ADAMTSL1: variants seen among roughly 807,000 people sequenced by gnomAD.
ADAMTSL1 encodes ADAMTS like 1, also known as ADAMTS-like protein 1.
Under a neutral mutation model 201.8 loss-of-function variants are expected in ADAMTSL1, and 126 were observed. That is an observed-to-expected ratio of 0.62 (90% CI 0.54 to 0.72). The LOEUF is 0.72. ADAMTSL1 is among the 30% of genes least tolerant of loss of function. ADAMTSL1 has a pLI of 0.00. For synonymous variants in ADAMTSL1, 1,121 were observed against 903.4 expected (o/e 1.24, Z -4.32); for missense variants, 2,679 against 2,277.8 (o/e 1.18, Z -3.59).
At chr9:18,650,109 C>G (rs1414232459) in intron 7 of ADAMTSL1, among the ~76,000 whole-genome samples, 1 of 152,222 alleles carries the variant, frequency 6.6e-6, no homozygotes, top group African/African-American at 2.4e-5. Flanking sequence ...GTGCCCATCC[C>G]CAAGCCTCGC....
chr9:18,556,333 C>T (rs1350685539), intron 3 of ADAMTSL1, among the ~76,000 whole-genome samples: 21 of 151,960 alleles, frequency 1.4e-4, no homozygotes, highest in Admixed American at 1.3e-3. Context: ...TAGCTGAGTA[C>T]TTGATAAGTG....
At chr9:18,446,930 G>T (rs1335653829) in intron 2 of ADAMTSL1, among the ~76,000 whole-genome samples, 1 of 152,038 alleles carries the variant, frequency 6.6e-6, no homozygotes, top group African/African-American at 2.4e-5. Flanking sequence ...AGACAGTTTT[G>T]AGGGATAAAA....
At chr9:18,820,041 T>C (rs1315099084) in intron 21 of ADAMTSL1, among the ~76,000 whole-genome samples, 2 of 152,198 alleles carry the variant, frequency 1.3e-5, no homozygotes, top group African/African-American at 4.8e-5. Flanking sequence ...TCCTGATTGG[T>C]TAGGTGGGAT....
At chr9:18,650,184 A>T (rs895593077) in intron 7 of ADAMTSL1, among the ~76,000 whole-genome samples, 3 of 152,030 alleles carry the variant, frequency 2.0e-5, no homozygotes, top group African/African-American at 2.4e-5. Flanking sequence ...TGGGCGTGGG[A>T]CCCTCTGAGC....
At position 18,227,678 on chromosome 9, in the gene ADAMTSL1, T is replaced by C. The variant is rs769526389; in HGVS notation, c.207+63697T>C. ...TCTGCCTAAAATGCTCATTAGGTCC[T>C]TTCTGTCTATTGAAGACTTAGATTA... On this transcript the variant is annotated intron_variant, in intron 2 of 29. Transcript: ENST00000680146. Among the ~76,000 whole-genome samples, 43 of 152,308 alleles carry C rather than the reference T, an allele frequency of 2.8e-4. 1 individual carries two copies. The highest frequency in any genetic ancestry group is 7.3e-5 in the Non-Finnish European group (5 of 68,032).
chr9:18,092,008 T>C (rs1254840554), intron 1 of ADAMTSL1, among the ~76,000 whole-genome samples: 1 of 152,164 alleles, frequency 6.6e-6, no homozygotes, highest in African/African-American at 2.4e-5. Context: ...CAGTTTCTAA[T>C]TGTAATTTGA....
Position 18,043,126 on chromosome 9 carries a change from C to A in ADAMTSL1, c.88-120736C>A, listed in dbSNP as rs142553161. Among the ~76,000 whole-genome samples, 312 of 152,240 alleles carry A rather than the reference C, an allele frequency of 2.0e-3. 1 individual carries two copies. The highest frequency in any genetic ancestry group is 7.0e-3 in the African/African-American group (290 of 41,552). Reference sequence around the variant, plus strand: ...AGTCTTTTTCAAACTTGCCACATGTCACAATTACCTGGGATATTTACAATG... The same window carrying A: ...AGTCTTTTTCAAACTTGCCACATGTAACAATTACCTGGGATATTTACAATG... On this transcript the variant is annotated intron_variant, in intron 1 of 29. Transcript: ENST00000680146.
chr9:18,789,039 C>G (rs1821873751), intron 19 of ADAMTSL1, among the ~76,000 whole-genome samples: 1 of 152,160 alleles, frequency 6.6e-6, no homozygotes, highest in South Asian at 2.1e-4. Flanking sequence ...TTTTCTCCTC[C>G]CTGGTCCCAT....
chr9:18,053,760 C>T (rs756029919), intron 1 of ADAMTSL1, among the ~76,000 whole-genome samples: 1 of 152,172 alleles, frequency 6.6e-6, no homozygotes, highest in East Asian at 1.9e-4. Context: ...GTTTACTGAG[C>T]ACTCTTGATG....
intron 23 of ADAMTSL1, among the ~76,000 whole-genome samples, chr9:18,837,727 T>C (rs1278792509): frequency 5.9e-5 from 9 of 152,218 alleles, no homozygotes; most frequent in African/African-American, 2.2e-4. Flanking sequence ...AAGTGTTCTG[T>C]GGCTGCTTTC....
At chr9:18,895,505 C>G (rs986360522) in intron 26 of ADAMTSL1, among the ~76,000 whole-genome samples, 2 of 146,308 alleles carry the variant, frequency 1.4e-5, no homozygotes, top group African/African-American at 5.2e-5. Context: ...AGAAGGAACA[C>G]AGACCTGCAG....
chr9:18,216,628 G>T (rs1442798502), intron 2 of ADAMTSL1, among the ~76,000 whole-genome samples: 24 of 148,940 alleles, frequency 1.6e-4, no homozygotes, highest in Admixed American at 1.6e-3. Context: ...ACGCAGCAGT[G>T]ACATACAACT....
intron 1 of ADAMTSL1, among the ~76,000 whole-genome samples, chr9:18,052,075 C>G (rs1240320860): frequency 1.3e-5 from 2 of 152,192 alleles, no homozygotes; most frequent in Non-Finnish European, 2.9e-5. Flanking sequence ...ATTTTTAGAA[C>G]AGGCAGAGTG....
chr9:18,734,615 A>G (rs1489726884), intron 15 of ADAMTSL1, among the ~76,000 whole-genome samples: 1 of 152,200 alleles, frequency 6.6e-6, no homozygotes, highest in Non-Finnish European at 1.5e-5. Context: ...CAGAGCCATA[A>G]CAGTCATGTT....
intron 1 of ADAMTSL1, among the ~76,000 whole-genome samples, chr9:18,131,037 T>A (rs1052371765): frequency 2.0e-5 from 3 of 152,132 alleles, no homozygotes; most frequent in Non-Finnish European, 4.4e-5. Flanking sequence ...GTATAACTAA[T>A]CCTAAAAGTA....
intron 23 of ADAMTSL1, among the ~76,000 whole-genome samples, chr9:18,858,790 T>C (rs1033684223): frequency 6.6e-6 from 1 of 152,232 alleles, no homozygotes; most frequent in Non-Finnish European, 1.5e-5. Context: ...CTGTCATTGG[T>C]ACCCCTTCCA....
At chr9:18,280,020 G>A (rs549220207) in intron 2 of ADAMTSL1, among the ~76,000 whole-genome samples, 58 of 152,276 alleles carry the variant, frequency 3.8e-4, no homozygotes, top group African/African-American at 1.4e-3. Context: ...TGTCACTGGG[G>A]TCCACTAGAT....
intron 2 of ADAMTSL1, among the ~76,000 whole-genome samples, chr9:18,387,147 GATATA>G (rs1039337902): frequency 6.6e-6 from 1 of 151,638 alleles, no homozygotes; most frequent in South Asian, 2.1e-4. Context: ...TTATATTTAG[GATATA>G]ATATATAGAA....
intron 2 of ADAMTSL1, among the ~76,000 whole-genome samples, chr9:18,261,226 C>A (rs1587418808): frequency 6.6e-6 from 1 of 152,058 alleles, no homozygotes; most frequent in African/African-American, 2.4e-5. Context: ...TCTTGTATTT[C>A]TTTGGGAAAA....
Sources: allele counts gnomAD v4.1 joint callset (sites outside exome capture counted in the v4.1 genomes callset), GRCh38; gene constraint gnomAD v4.1.1; transcripts MANE v1.5; gene names NCBI Gene and HGNC (gene_info 2026-07-23, HGNC 2026-07-21).